Variants in MRPL48 observed in about 807,000 individuals in gnomAD.
MRPL48 encodes mitochondrial ribosomal protein L48, also known as large ribosomal subunit protein mL48.
A neutral mutation model predicts 32.9 loss-of-function variants in MRPL48; 16 were observed. That is an observed-to-expected ratio of 0.49 (90% CI 0.33 to 0.74). The LOEUF is 0.74. Among genes scored for constraint, MRPL48 ranks in the 30% least tolerant of loss-of-function variants. MRPL48 has a pLI of 0.02. For synonymous variants in MRPL48, 94 were observed against 89.2 expected, an observed-to-expected ratio of 1.05 and a Z score of -0.31; for missense variants, 206 against 245.3, an observed-to-expected ratio of 0.84 and a Z score of 1.07.
intron 4 of MRPL48, among the ~76,000 whole-genome samples, chr11:73,833,088 C>G (rs1431510330): frequency 6.6e-6 from 1 of 152,076 alleles, no homozygotes; most frequent in Non-Finnish European, 1.5e-5. Context: ...AAAAAAGAAG[C>G]AATTCTCCCC....
chr11:73,824,956 A>G (rs758905271), intron 3 of MRPL48, among the ~76,000 whole-genome samples: 45 of 152,190 alleles, frequency 3.0e-4, no homozygotes, highest in Admixed American at 2.3e-3. Flanking sequence ...TAAACCAACA[A>G]GAGGTCAGCT....
intron 5 of MRPL48, among the ~76,000 whole-genome samples, chr11:73,857,414 G>A (rs1948501521): frequency 6.6e-6 from 1 of 151,426 alleles, no homozygotes; most frequent in Non-Finnish European, 1.5e-5. Flanking sequence ...TTACAGGCGT[G>A]AGCCACTGCG....
chr11:73,804,452 A>G (rs906279936), intron 1 of MRPL48, among the ~76,000 whole-genome samples: 10 of 151,208 alleles, frequency 6.6e-5, no homozygotes, highest in Non-Finnish European at 1.5e-4. Context: ...AATTTTTGTA[A>G]TTTTAGTAGA....
chr11:73,844,913 C>G lies in MRPL48; in HGVS notation c.308C>G (p.Ala103Gly). The G allele has an allele frequency of 6.2e-7, 1 of 1,613,736 alleles. No individual in the cohort carries two copies. Among genetic ancestry groups the G allele is most frequent in the Non-Finnish European group, 8.5e-7 (1 of 1,179,812 alleles). The change falls in exon 5 of 8, where the codon GCA becomes GGA. Residue 103 changes from alanine to glycine, a missense_variant. Coordinates refer to ENST00000310614, the MANE Select transcript of MRPL48 (RefSeq NM_016055.6). Reference protein sequence around the residue: ...IHLTAYDMTLAESYAQYVHNL... With the variant: ...IHLTAYDMTLGESYAQYVHNL... ...CTGACTGCATATGATATGACCCTGG[C>G]AGAGAGTTATGCCCAGTATGTTCAC...
At position 73,864,332 on chromosome 11, in the gene MRPL48, C is replaced by T. The variant is rs768004272; in HGVS notation, c.601C>T (p.Arg201Ter). 1 of 1,613,876 alleles carries T rather than the reference C, an allele frequency of 6.2e-7. No homozygotes were observed. The highest frequency in any genetic ancestry group is 8.5e-7 in the Non-Finnish European group (1 of 1,179,864). The change falls in exon 8 of 8, where the codon CGA becomes TGA. Residue 201 changes from arginine (R) to a stop codon, truncating the protein, a stop_gained. Coordinates refer to ENST00000310614, the MANE Select transcript of MRPL48 (RefSeq NM_016055.6). LOFTEE classifies it high-confidence loss of function. ...AGACTTCAAGGGACGATTCAAAGCT[C>T]GACCAGAACTGGAAGAACTGTTGGC... Reference protein sequence around the residue: ...EEDFKGRFKARPELEELLAKL... With the variant: ...EEDFKGRFKA
intron 5 of MRPL48, among the ~76,000 whole-genome samples, chr11:73,855,421 T>A (rs1284916356): frequency 6.6e-6 from 1 of 152,060 alleles, no homozygotes; most frequent in Non-Finnish European, 1.5e-5. Context: ...TTTGTCCCTT[T>A]CCACCTCAGG....
chr11:73,803,058 G>C (rs1947386357), intron 1 of MRPL48, among the ~76,000 whole-genome samples: 1 of 152,106 alleles, frequency 6.6e-6, no homozygotes, highest in Non-Finnish European at 1.5e-5. Flanking sequence ...CAGAAAACTT[G>C]CAAAGACAGT....
At chr11:73,825,589 A>G (rs569608297) in intron 3 of MRPL48, 119 bp from the exon 4 acceptor site, 118 of 844,632 alleles carry the variant, frequency 1.4e-4, no homozygotes, top group Admixed American at 9.2e-4. Flanking sequence ...CGAGGCTTCA[A>G]TGAGCTATGA....
chr11:73,828,094 A>G (rs1236887267), intron 4 of MRPL48, among the ~76,000 whole-genome samples: 1 of 152,170 alleles, frequency 6.6e-6, no homozygotes, highest in East Asian at 1.9e-4. Context: ...TCTGGATTAG[A>G]ATATCTCTAA....
At chr11:73,797,653 G>A (rs1947282343) in intron 1 of MRPL48, among the ~76,000 whole-genome samples, 1 of 152,232 alleles carries the variant, frequency 6.6e-6, no homozygotes, top group Admixed American at 6.5e-5. Context: ...ATGTCTGACT[G>A]TGCACATTGG....
intron 6 of MRPL48, among the ~76,000 whole-genome samples, chr11:73,862,883 C>T (rs551926609): frequency 2.6e-5 from 4 of 152,190 alleles, no homozygotes; most frequent in African/African-American, 4.8e-5. Flanking sequence ...TGTTCTACTG[C>T]GCTCCAGCCT....
chr11:73,813,157 C>T (rs920202621), intron 3 of MRPL48, among the ~76,000 whole-genome samples: 9 of 151,522 alleles, frequency 5.9e-5, no homozygotes, highest in Non-Finnish European at 1.3e-4. Context: ...GTATTTGTTT[C>T]CTAATGAATT....
intron 1 of MRPL48, among the ~76,000 whole-genome samples, chr11:73,803,974 C>A (rs561172490): frequency 6.6e-6 from 1 of 152,230 alleles, no homozygotes; most frequent in African/African-American, 2.4e-5. Context: ...GGCTAGACTG[C>A]AGTGGCGAGA....
At chr11:73,845,045 G>A (rs911770054) in intron 5 of MRPL48, 69 bp downstream of exon 5, 52 of 1,457,768 alleles carry the variant, frequency 3.6e-5, no homozygotes, top group Non-Finnish European at 4.8e-5. Flanking sequence ...TGTTAAACTA[G>A]GCTTTTGAGA....
intron 4 of MRPL48, among the ~76,000 whole-genome samples, chr11:73,830,567 C>T (rs1360650644): frequency 6.6e-6 from 1 of 151,366 alleles, no homozygotes; most frequent in African/African-American, 2.4e-5. Context: ...CTTTCTCTCC[C>T]TAAGCCTAGA....
chr11:73,793,839 T>C (rs1316648234), intron 1 of MRPL48, among the ~76,000 whole-genome samples: 1 of 149,808 alleles, frequency 6.7e-6, no homozygotes, highest in Non-Finnish European at 1.5e-5. Flanking sequence ...CTGGGCAACA[T>C]GGCGAAACCT....
chr11:73,794,484 G>A (rs1468812742), intron 1 of MRPL48, among the ~76,000 whole-genome samples: 1 of 151,482 alleles, frequency 6.6e-6, no homozygotes, highest in African/African-American at 2.4e-5. Context: ...GAATGTGGGA[G>A]GAGGAAGTTG....
chr11:73,788,200 G>C (rs978225208), intron 1 of MRPL48, among the ~76,000 whole-genome samples: 3 of 152,154 alleles, frequency 2.0e-5, no homozygotes, highest in Middle Eastern at 6.8e-3. Flanking sequence ...GGCGAACTCT[G>C]CCGAGCCGAC....
Position 73,859,889 on chromosome 11 carries a change from G to T in MRPL48, c.372-18G>T. 1 of 1,610,154 alleles carries T rather than the reference G, an allele frequency of 6.2e-7. No homozygotes were observed. Among genetic ancestry groups the T allele is most frequent in the South Asian group, 1.1e-5 (1 of 90,866 alleles). On this transcript the variant is annotated intron_variant, in intron 5 of 7. Transcript: ENST00000310614. The stretch of plus-strand genomic sequence containing the variant: ...GCTTCAGTGAACACTCACTATAGCT[G>T]ACTCTTCCTTCCCACAGTTATGCAA...
Sources: gnomAD v4.1 joint callset for allele counts (sites outside exome capture counted in the v4.1 genomes callset) on GRCh38, gnomAD v4.1.1 for gene constraint, MANE v1.5 for transcripts, NCBI Gene and HGNC (gene_info 2026-07-23, HGNC 2026-07-21) for gene names.